Variants in ZNF148 observed in about 807,000 individuals in gnomAD.
ZNF148 encodes the protein zinc finger protein 148.
A neutral mutation model predicts 67.7 loss-of-function variants in ZNF148; 7 were observed. That is an observed-to-expected ratio of 0.10 (90% confidence interval 0.06 to 0.19). ZNF148 has a LOEUF of 0.19. ZNF148 is among the 10% of genes least tolerant of loss of function. ZNF148 has a pLI of 1.00. For missense variants in ZNF148, 583 were observed against 947.1 expected (o/e 0.62, Z 5.05); for synonymous variants, 333 against 330.7 (o/e 1.01, Z -0.08).
chr3:125,326,767 T>G (rs950749350), intron 2 of ZNF148, among the ~76,000 whole-genome samples: 3 of 147,716 alleles, frequency 2.0e-5, no homozygotes, highest in Non-Finnish European at 3.0e-5. Flanking sequence ...TATAAAGATA[T>G]ATATATCTTT....
chr3:125,346,441 A>G (rs1408633385), intron 1 of ZNF148, among the ~76,000 whole-genome samples: 1 of 152,202 alleles, frequency 6.6e-6, no homozygotes, highest in Non-Finnish European at 1.5e-5. Flanking sequence ...CTTCTATTCA[A>G]CACTACAGTA....
At chr3:125,337,709 C>T (rs751270086) in intron 1 of ZNF148, among the ~76,000 whole-genome samples, 1 of 152,180 alleles carries the variant, frequency 6.6e-6, no homozygotes, top group Non-Finnish European at 1.5e-5. Context: ...ACACAACTAT[C>T]TGAGCAAGTA....
chr3:125,257,034 A>G (rs1278656165), intron 7 of ZNF148, among the ~76,000 whole-genome samples: 1 of 82,854 alleles, frequency 1.2e-5, no homozygotes, highest in Non-Finnish European at 2.5e-5. Flanking sequence ...CTTTTCATCT[A>G]TTTTCCATAC....
At chr3:125,265,683 T>C (rs1042327257) in intron 7 of ZNF148, among the ~76,000 whole-genome samples, 1 of 152,170 alleles carries the variant, frequency 6.6e-6, no homozygotes, top group South Asian at 2.1e-4. Flanking sequence ...CCATATATGA[T>C]TGATTTTTAA....
chr3:125,306,564 G>A (rs1380981636), intron 4 of ZNF148, among the ~76,000 whole-genome samples: 1 of 152,140 alleles, frequency 6.6e-6, no homozygotes, highest in Non-Finnish European at 1.5e-5. Flanking sequence ...TGTTTAGTAT[G>A]AATAGCCTAC....
At chr3:125,264,546 C>T (rs940175092) in intron 7 of ZNF148, among the ~76,000 whole-genome samples, 1 of 152,084 alleles carries the variant, frequency 6.6e-6, no homozygotes, top group Non-Finnish European at 1.5e-5. Context: ...AAATCATCTG[C>T]CTTGTTTTTT....
intron 7 of ZNF148, among the ~76,000 whole-genome samples, chr3:125,246,094 C>A (rs781213513): frequency 9.2e-5 from 14 of 152,112 alleles, no homozygotes; most frequent in Non-Finnish European, 1.5e-4. Context: ...CAAATCAATT[C>A]TTTGTTATGA....
At chr3:125,268,434 AAAG>A (rs1191063131) in intron 7 of ZNF148, among the ~76,000 whole-genome samples, 1 of 152,190 alleles carries the variant, frequency 6.6e-6, no homozygotes, top group Non-Finnish European at 1.5e-5. Flanking sequence ...GATATTCAAG[AAAG>A]TTGGCAAAAA....
intron 1 of ZNF148, chr3:125,357,823 GTATTATC>G (rs1184258464): frequency 6.6e-6 from 1 of 152,262 alleles, no homozygotes; most frequent in African/African-American, 2.4e-5. Flanking sequence ...ACACAGCTTT[GTATTATC>G]ACACAGCCTG....
intron 1 of ZNF148, among the ~76,000 whole-genome samples, chr3:125,354,753 G>GT (rs1942281114): frequency 6.6e-6 from 1 of 152,154 alleles, no homozygotes; most frequent in Non-Finnish European, 1.5e-5. Flanking sequence ...TTTAAAAATT[G>GT]TATGTGGTCT....
At chr3:125,363,209 A>G (rs1235444408) in intron 1 of ZNF148, among the ~76,000 whole-genome samples, 1 of 152,230 alleles carries the variant, frequency 6.6e-6, no homozygotes, top group Non-Finnish European at 1.5e-5. Context: ...ATGCATAATG[A>G]TTTCTTTTTA....
chr3:125,369,101 A>C (rs1169978097), intron 1 of ZNF148, among the ~76,000 whole-genome samples: 2 of 151,544 alleles, frequency 1.3e-5, no homozygotes, highest in Non-Finnish European at 2.9e-5. Flanking sequence ...GTCTCTACTT[A>C]AAATACAAAA....
intron 4 of ZNF148, among the ~76,000 whole-genome samples, chr3:125,294,631 G>A (rs1476863183): frequency 6.6e-6 from 1 of 152,068 alleles, no homozygotes; most frequent in Non-Finnish European, 1.5e-5. Context: ...ACCATGCACT[G>A]TCCTAAGTGC....
intron 1 of ZNF148, among the ~76,000 whole-genome samples, chr3:125,360,914 C>G (rs1231721976): frequency 6.6e-6 from 1 of 150,796 alleles, no homozygotes; most frequent in South Asian, 2.1e-4. Context: ...CATATGTAAT[C>G]CCAACTACTC....
At chr3:125,311,805 C>T (rs975570639) in intron 4 of ZNF148, among the ~76,000 whole-genome samples, 1 of 152,074 alleles carries the variant, frequency 6.6e-6, no homozygotes, top group Middle Eastern at 3.2e-3. Flanking sequence ...GATAATAAAA[C>T]AATACTATGA....
chr3:125,360,038 T>C (rs1216617653), intron 1 of ZNF148, among the ~76,000 whole-genome samples: 5 of 152,334 alleles, frequency 3.3e-5, no homozygotes, highest in Admixed American at 6.5e-5. Context: ...ATATTACACT[T>C]AATGATGCTT....
intron 1 of ZNF148, among the ~76,000 whole-genome samples, chr3:125,352,545 C>A (rs982248171): frequency 1.3e-5 from 2 of 151,656 alleles, no homozygotes; most frequent in African/African-American, 4.8e-5. Flanking sequence ...TAAGTTATAC[C>A]TCAATAACAC....
intron 3 of ZNF148, among the ~76,000 whole-genome samples, chr3:125,321,610 A>C (rs1940773511): frequency 1.3e-5 from 2 of 152,162 alleles, no homozygotes; most frequent in Non-Finnish European, 1.5e-5. Context: ...TAAAACATCA[A>C]ATTTATGGAA....
At chr3:125,268,251 A>C (rs1369494733) in intron 7 of ZNF148, among the ~76,000 whole-genome samples, 2 of 150,718 alleles carry the variant, frequency 1.3e-5, no homozygotes, top group Admixed American at 6.6e-5. Context: ...AAAAAAAAAA[A>C]CAGCCCCAAA....
Sources: allele counts gnomAD v4.1 joint callset (sites outside exome capture counted in the v4.1 genomes callset), GRCh38; gene constraint gnomAD v4.1.1; transcripts MANE v1.5; gene names NCBI Gene and HGNC (gene_info 2026-07-23, HGNC 2026-07-21).